The following IGHMBP2 variants were observed in gnomAD, a reference collection of about 807,000 sequenced individuals.
The protein encoded by IGHMBP2 is DNA-binding protein SMUBP-2.
Under a neutral mutation model 96.0 loss-of-function variants are expected in IGHMBP2, and 81 were observed. That is an observed-to-expected ratio of 0.84 (90% CI 0.71 to 1.01). IGHMBP2 has a LOEUF of 1.01. Ranked by LOEUF, IGHMBP2 falls within the 50% of genes least tolerant of loss-of-function variation. IGHMBP2 has a pLI of 0.00. For missense variants in IGHMBP2, 1,227 were observed against 1,306.3 expected (o/e 0.94, Z 0.94); for synonymous variants, 557 against 548.9 (o/e 1.01, Z -0.21).
chr11:68,916,597 G>A (rs1858679999), intron 6 of IGHMBP2, among the ~76,000 whole-genome samples: 1 of 151,414 alleles, frequency 6.6e-6, no homozygotes, highest in Non-Finnish European at 1.5e-5. Context: ...CTTGTCCTGT[G>A]TGCTTACGGT....
rs932085759 is a variant in IGHMBP2, at chr11:68,908,155, G to C, written c.267G>C (p.Val89=). 4 of 1,613,674 alleles carry C rather than the reference G, an allele frequency of 2.5e-6. No individual in the cohort carries two copies. The highest frequency in any genetic ancestry group is 1.7e-4 in the Middle Eastern group (1 of 6,046). The part of the protein sequence containing the change: ...PSNSFTSGDI[V]GLYDAANEGS... ...TCTTTGTTTTTGCAGGTGATATCGT[G>C]GGCCTGTACGATGCTGCTAATGAGG... Residue 89 remains valine (V), a synonymous_variant, in exon 3 of 15, where the codon GTG becomes GTC. Transcript: ENST00000255078.
In IGHMBP2 at chr11:68,933,349, A is replaced by G. The variant is rs1344954631; in HGVS notation, c.1286A>G (p.Glu429Gly). 1 of 1,613,158 alleles carries G rather than the reference A, an allele frequency of 6.2e-7. No individual in the cohort carries two copies. The change falls in exon 9 of 15, where the codon GAG (glutamate) becomes GGG (glycine). Residue 429 changes from glutamate (E) to glycine (G), a missense_variant. By Grantham distance (98) the Glu-to-Gly change is moderately conservative. Around this residue, in one of 3 missense-constraint regions of IGHMBP2, gnomAD observed 703 missense variants for 770.3 expected, o/e 0.91. Coordinates refer to ENST00000255078, the MANE Select transcript of IGHMBP2 (RefSeq NM_002180.3). ...AGCCTGATGGAACGCCTGGCTGAGGAGTACGGCGCGAGGGTGGTGCGGACA... is the reference window on the plus strand; with the variant it reads ...AGCCTGATGGAACGCCTGGCTGAGGGGTACGGCGCGAGGGTGGTGCGGACA... ...SLSLMERLAE[E>G]YGARVVRTLT...
rs534951192 is a variant in IGHMBP2 at position 68,907,643 on chromosome 11, G to A, written c.257-502G>A. The stretch of plus-strand genomic sequence containing the variant: ...ATTACTGGAATACTGGCTGGATTTG[G>A]AGAAGATGAGATGAGGGTATTGAGA... On this transcript the variant is annotated intron_variant, in intron 2 of 14. Coordinates refer to ENST00000255078, the MANE Select transcript of IGHMBP2 (RefSeq NM_002180.3). Among the ~76,000 whole-genome samples, 9 of 152,318 alleles carry A rather than the reference G, an allele frequency of 5.9e-5. No homozygotes were observed. In the South Asian group the frequency reaches 1.9e-3, roughly 32 times the overall value.
Position 68,911,498 on chromosome 11 carries a change from T to A in IGHMBP2, c.606T>A (p.Phe202Leu), listed in dbSNP as rs762714340. Reference sequence around the variant, plus strand: ...CCTCCCAGAAAGAAGCGGTTTTATTTGCGCTGTCTCAGAAAGAACTTGCCA... The same window carrying A: ...CCTCCCAGAAAGAAGCGGTTTTATTAGCGCTGTCTCAGAAAGAACTTGCCA... ...LDTSQKEAVL[F>L]ALSQKELAII... is the part of the protein sequence containing the mutation. Residue 202 changes from phenylalanine (F) to leucine (L), a missense_variant, in exon 5 of 15, where the codon TTT becomes TTA. Phe to Leu is a conservative substitution (Grantham distance 22, BLOSUM62 0). Transcript: ENST00000255078. 1 of 1,614,156 alleles carries A rather than the reference T, an allele frequency of 6.2e-7. No individual in the cohort carries two copies.
At chr11:68,907,492 C>G (rs1858248013) in intron 2 of IGHMBP2, among the ~76,000 whole-genome samples, 1 of 152,128 alleles carries the variant, frequency 6.6e-6, no homozygotes, top group African/African-American at 2.4e-5. Context: ...CAACCACAGC[C>G]TTGGAAGCCT....
rs1459177390 is a variant in IGHMBP2, at chr11:68,934,561, A to G, written c.1632+3A>G. ...TGGTCTCGCCATACAACCTCCAGGT[A>G]CGAGGGTTTCCTTTTGTCCCTCTAC... On this transcript the variant is annotated splice_donor_region_variant and intron_variant, in intron 11 of 14. Coordinates refer to ENST00000255078, the MANE Select transcript of IGHMBP2 (RefSeq NM_002180.3). 1 of 1,604,992 alleles carries G rather than the reference A, an allele frequency of 6.2e-7. No individual in the cohort carries two copies.
intron 8 of IGHMBP2, chr11:68,930,629 C>A: frequency 1.9e-6 from 1 of 535,614 alleles, no homozygotes; most frequent in Non-Finnish European, 2.4e-6. Context: ...GGCTGGAAAC[C>A]TCTGCGGCCG....
chr11:68,939,803 C>A lies in IGHMBP2; in HGVS notation c.*72C>A. On this transcript the variant is annotated 3_prime_UTR_variant, in exon 15 of 15. Coordinates refer to ENST00000255078, the MANE Select transcript of IGHMBP2 (RefSeq NM_002180.3). ...CAGGGCGCTGGCAGACCATGCTCCG[C>A]CTCCACCAGGGCCACAGAGGAGCGG... 1.4e-6 allele frequency: 2 copies of A among 1,470,826 alleles called. No individual in the cohort carries two copies. The highest frequency in any genetic ancestry group is 1.9e-6 in the Non-Finnish European group (2 of 1,078,602). The allele number at this position is 1,470,826 out of a possible 1,614,324, so 91.1% of individuals were successfully genotyped here. A position where few individuals can be genotyped will look rare whatever the true frequency, so the allele number is the denominator to read the frequency against.
At chr11:68,933,506 G>T in intron 9 of IGHMBP2, 25 bp downstream of exon 9, 1 of 1,601,756 alleles carries the variant, frequency 6.2e-7, no homozygotes, top group Non-Finnish European at 8.5e-7. Context: ...ACCACCCGCC[G>T]CCCCATCCTT....
chr11:68,911,898 C>T (rs573977914), intron 5 of IGHMBP2, among the ~76,000 whole-genome samples: 4 of 152,358 alleles, frequency 2.6e-5, no homozygotes, highest in African/African-American at 7.2e-5. Context: ...TTGTTCACCA[C>T]GCTTGCTGTG....
intron 12 of IGHMBP2, 25 bp downstream of exon 12, chr11:68,935,447 T>C (rs745922111): frequency 7.4e-6 from 12 of 1,613,360 alleles, no homozygotes; most frequent in Non-Finnish European, 8.5e-7. Context: ...CCAGAGTCCT[T>C]TGGGGACAGC....
chr11:68,938,379 T>C (rs1056307617), intron 14 of IGHMBP2, 25 bp downstream of exon 14: 1 of 1,587,062 alleles, frequency 6.3e-7, no homozygotes, highest in African/African-American at 1.3e-5. Context: ...CCTCCTGCGA[T>C]CAAACAGTGG....
chr11:68,924,219 G>A (rs10896381), intron 7 of IGHMBP2, among the ~76,000 whole-genome samples: 26,267 of 152,154 alleles, frequency 0.17, 2,808 homozygotes, highest in Non-Finnish European at 0.25. Flanking sequence ...GGTGGAGGAC[G>A]CACATTCTCT....
chr11:68,923,107 T>C (rs1858938860), intron 7 of IGHMBP2, among the ~76,000 whole-genome samples: 1 of 152,236 alleles, frequency 6.6e-6, no homozygotes, highest in Non-Finnish European at 1.5e-5. Context: ...TTTGTAGGCC[T>C]GCTAATGTTT....
chr11:68,934,854 G>A (rs1859464440), intron 11 of IGHMBP2, among the ~76,000 whole-genome samples: 2 of 152,234 alleles, frequency 1.3e-5, no homozygotes, highest in African/African-American at 4.8e-5. Flanking sequence ...GTCCTTCCAC[G>A]GGCAGCCCTG....
In IGHMBP2 at chr11:68,937,098, C is replaced by G. The variant is rs1343219004; in HGVS notation, c.2611+7C>G. The G allele has an allele frequency of 6.3e-7, 1 of 1,596,386 alleles. No homozygotes were observed. Among genetic ancestry groups the G allele is most frequent in the Non-Finnish European group, 8.5e-7 (1 of 1,179,788 alleles). ...AAAAAGAAAAAAGCCAAAGGTAAGTCAACTAATAAGAACTTGGGGCAGTGT... is the reference window on the plus strand; with the variant it reads ...AAAAAGAAAAAAGCCAAAGGTAAGTGAACTAATAAGAACTTGGGGCAGTGT... On this transcript the variant is annotated splice_region_variant and intron_variant, in intron 13 of 14. Transcript: ENST00000255078.
chr11:68,928,725 C>G (rs1044558860), intron 7 of IGHMBP2, among the ~76,000 whole-genome samples: 2 of 152,090 alleles, frequency 1.3e-5, no homozygotes, highest in Non-Finnish European at 2.9e-5. Flanking sequence ...GCTCCGCGTC[C>G]CAGGAAGGAA....
rs146286133 is a variant in IGHMBP2 at position 68,938,261 on chromosome 11, C to T, written c.2691C>T (p.Cys897=). The T allele has an allele frequency of 1.6e-4, 258 of 1,613,844 alleles. No individual in the cohort carries two copies. The highest frequency in any genetic ancestry group is 2.1e-4 in the Non-Finnish European group (247 of 1,180,032). ...CCGCCGTTAAGGCTGATAACACCTGCGGCTTTGCCAAGTGCACAGCCGGCG... is the reference window on the plus strand; with the variant it reads ...CCGCCGTTAAGGCTGATAACACCTGTGGCTTTGCCAAGTGCACAGCCGGCG... ...VSAAVKADNT[C]GFAKCTAGVT... is the part of the protein sequence containing the mutation. The change falls in exon 14 of 15, where the codon TGC becomes TGT. Residue 897 remains cysteine (C), a synonymous_variant. Coordinates refer to ENST00000255078, the MANE Select transcript of IGHMBP2 (RefSeq NM_002180.3).
At chr11:68,935,204 T>C in intron 11 of IGHMBP2, 95 bp from the exon 12 acceptor site, 3 of 1,525,368 alleles carry the variant, frequency 2.0e-6, no homozygotes, top group Non-Finnish European at 1.8e-6. Flanking sequence ...GTCCTGGCTG[T>C]TTCACAGCGT....
Sources: allele counts gnomAD v4.1 joint callset (sites outside exome capture counted in the v4.1 genomes callset), GRCh38; gene constraint gnomAD v4.1.1; regional missense constraint gnomAD v4.1.1; transcripts MANE v1.5; gene names NCBI Gene and HGNC (gene_info 2026-07-23, HGNC 2026-07-21).